SNAP91: variants seen among roughly 807,000 people sequenced by gnomAD.
SNAP91 encodes the protein clathrin coat assembly protein AP180.
In SNAP91, 27 loss-of-function variants were observed where a neutral mutation model predicts 100.3. That is an observed-to-expected ratio of 0.27 (90% confidence interval 0.20 to 0.37). SNAP91 has a LOEUF of 0.37. Ranked by LOEUF, SNAP91 falls within the 10% of genes least tolerant of loss-of-function variation. SNAP91 has a pLI of 1.00. For missense variants in SNAP91, 986 were observed against 1,123.7 expected (o/e 0.88, Z 1.75); for synonymous variants, 404 against 398.6 (o/e 1.01, Z -0.16).
intron 28 of SNAP91, among the ~76,000 whole-genome samples, chr6:83,556,964 T>G (rs935890614): frequency 1.3e-5 from 2 of 152,190 alleles, no homozygotes; most frequent in Non-Finnish European, 2.9e-5. Flanking sequence ...TCTAATGCAA[T>G]CTATTCAGCT....
chr6:83,672,956 G>T (rs573882226), intron 2 of SNAP91, among the ~76,000 whole-genome samples: 1 of 152,082 alleles, frequency 6.6e-6, no homozygotes, highest in Non-Finnish European at 1.5e-5. Context: ...AATAAAAACT[G>T]GTCATTCTTT....
chr6:83,623,276 A>G, intron 9 of SNAP91, 25 bp downstream of exon 9: 1 of 1,578,330 alleles, frequency 6.3e-7, no homozygotes, highest in Non-Finnish European at 8.7e-7. Flanking sequence ...TGCATACTGA[A>G]TCTTCCACTG....
intron 26 of SNAP91, among the ~76,000 whole-genome samples, chr6:83,564,553 T>TAA (rs1356368025): frequency 6.6e-6 from 1 of 151,982 alleles, no homozygotes; most frequent in Admixed American, 6.6e-5. Context: ...TTTGTAGAGA[T>TAA]AGAGTCTCAT....
intron 2 of SNAP91, among the ~76,000 whole-genome samples, chr6:83,705,143 T>C (rs1177509672): frequency 6.6e-6 from 1 of 152,162 alleles, no homozygotes; most frequent in Non-Finnish European, 1.5e-5. Context: ...GTCTCCAAAT[T>C]CCATCCAAAA....
intron 8 of SNAP91, among the ~76,000 whole-genome samples, chr6:83,636,281 T>G (rs1362890998): frequency 6.6e-6 from 1 of 152,178 alleles, no homozygotes; most frequent in African/African-American, 2.4e-5. Context: ...TCACTCTCTC[T>G]TCTCTCTCAG....
intron 7 of SNAP91, among the ~76,000 whole-genome samples, chr6:83,654,753 T>C (rs1207179306): frequency 6.6e-6 from 1 of 152,192 alleles, no homozygotes; most frequent in Non-Finnish European, 1.5e-5. Flanking sequence ...AAAAGATGTA[T>C]GTATTTGAGA....
At chr6:83,572,816 T>A (rs2128050276) in intron 26 of SNAP91, among the ~76,000 whole-genome samples, 1 of 152,342 alleles carries the variant, frequency 6.6e-6, no homozygotes, top group East Asian at 1.9e-4. Context: ...TTGATAATGA[T>A]AATATAGATT....
chr6:83,642,234 C>T (rs1324170934), intron 7 of SNAP91, among the ~76,000 whole-genome samples: 1 of 152,012 alleles, frequency 6.6e-6, no homozygotes, highest in African/African-American at 2.4e-5. Flanking sequence ...TGCATATGCA[C>T]AACGTGCAGG....
At chr6:83,564,646 T>C (rs1794063485) in intron 26 of SNAP91, among the ~76,000 whole-genome samples, 1 of 152,112 alleles carries the variant, frequency 6.6e-6, no homozygotes, top group Non-Finnish European at 1.5e-5. Flanking sequence ...ATTAGAGGCA[T>C]GAGCTGTTGT....
chr6:83,651,234 T>C (rs1444630335), intron 7 of SNAP91, among the ~76,000 whole-genome samples: 1 of 152,148 alleles, frequency 6.6e-6, no homozygotes, highest in Non-Finnish European at 1.5e-5. Flanking sequence ...ATTGATTTCC[T>C]GTTTTCAATT....
At chr6:83,708,037 CCG>C in intron 1 of SNAP91, 80 bp from the exon 2 acceptor site, 1 of 1,320,160 alleles carries the variant, frequency 7.6e-7, no homozygotes, top group East Asian at 2.9e-5. Context: ...CCTCCTCCAG[CCG>C]CGCGGCGGCT....
intron 8 of SNAP91, among the ~76,000 whole-genome samples, chr6:83,640,116 T>A (rs1188311702): frequency 2.0e-5 from 3 of 152,168 alleles, no homozygotes; most frequent in African/African-American, 4.8e-5. Flanking sequence ...TCTAACTACA[T>A]GTTGTATGGG....
In SNAP91 at chr6:83,593,545, G is replaced by A. The variant is rs985181189; in HGVS notation, c.1629C>T (p.Ala543=). 15 of 1,552,194 alleles carry A rather than the reference G, an allele frequency of 9.7e-6. No individual in the cohort carries two copies. The Admixed American group carries it at 1.6e-4, about 16-fold the overall frequency. Residue 543 remains alanine (A), a synonymous_variant, in exon 18 of 30, where the codon GCC becomes GCT. Transcript: ENST00000369694. ...CAGCGGAGGTGGTGGTAGTGGTGGT[G>A]GCAGCGGCGGTGGCAGCAGTAGTGG... is the stretch of plus-strand genomic sequence containing the variant. ...AAATTAATAA[A]TTTTTTSAAT... is the part of the protein sequence containing the mutation.
intron 2 of SNAP91, among the ~76,000 whole-genome samples, chr6:83,696,510 T>A (rs2099213611): frequency 6.6e-6 from 1 of 152,170 alleles, no homozygotes; most frequent in South Asian, 2.1e-4. Flanking sequence ...ATCTACAACC[T>A]TGGTGTTATT....
chr6:83,594,359 T>C lies in SNAP91; in HGVS notation c.1432+15A>G, dbSNP rs758519764. The C allele has an allele frequency of 2.6e-6, 4 of 1,543,856 alleles. No homozygotes were observed. The highest frequency in any genetic ancestry group is 2.0e-5 in the Admixed American group (1 of 51,016). ...GACAGAAGAATAACAGACTGGCTAA[T>C]GACTTTAAACCCACCATTTCCTGAA... On this transcript the variant is annotated intron_variant, in intron 17 of 29. Coordinates refer to ENST00000369694, the MANE Select transcript of SNAP91 (RefSeq NM_001242792.2).
intron 14 of SNAP91, among the ~76,000 whole-genome samples, chr6:83,603,641 AG>A (rs2095429158): frequency 6.6e-6 from 1 of 152,150 alleles, no homozygotes; most frequent in African/African-American, 2.4e-5. Flanking sequence ...CTTAAAAAGA[AG>A]AAAAAAAAAA....
intron 2 of SNAP91, among the ~76,000 whole-genome samples, chr6:83,692,528 T>C (rs1274604340): frequency 6.6e-6 from 1 of 151,070 alleles, no homozygotes; most frequent in East Asian, 2.0e-4. Context: ...AAAAAAAAAT[T>C]ACCTATTTAA....
chr6:83,565,959 A>G (rs1385406552), intron 26 of SNAP91, among the ~76,000 whole-genome samples: 1 of 152,190 alleles, frequency 6.6e-6, no homozygotes, highest in Non-Finnish European at 1.5e-5. Context: ...TCCTAGGTAT[A>G]TTCCAAATAG....
At chr6:83,645,701 A>G (rs1347473024) in intron 7 of SNAP91, among the ~76,000 whole-genome samples, 1 of 152,034 alleles carries the variant, frequency 6.6e-6, no homozygotes, top group Non-Finnish European at 1.5e-5. Flanking sequence ...AAATTCAAAA[A>G]TTAGCCAGGA....
Sources: allele counts gnomAD v4.1 joint callset (sites outside exome capture counted in the v4.1 genomes callset), GRCh38; gene constraint gnomAD v4.1.1; transcripts MANE v1.5; gene names NCBI Gene and HGNC (gene_info 2026-07-23, HGNC 2026-07-21).